RYK: variants seen among roughly 807,000 people sequenced by gnomAD.
RYK encodes the protein receptor like tyrosine kinase, also known as inactive tyrosine-protein kinase RYK.
A neutral mutation model predicts 70.2 loss-of-function variants in RYK; 21 were observed. The ratio of observed to expected loss-of-function variants is 0.30; its 90% CI spans 0.21 to 0.43. The LOEUF (loss-of-function observed/expected upper bound fraction) is 0.43, where lower values mean the gene tolerates loss of function less well. Ranked by LOEUF, RYK falls within the 20% of genes least tolerant of loss-of-function variation. The probability of loss-of-function intolerance (pLI) is 1.00; values close to 1 mark genes in which losing one functional copy is unlikely to be tolerated. For missense variants in RYK, 604 were observed against 753.3 expected (o/e 0.80, Z 2.32); for synonymous variants, 267 against 278.0 (o/e 0.96, Z 0.39).
intron 1 of RYK, among the ~76,000 whole-genome samples, chr3:134,236,712 C>T (rs926483056): frequency 6.6e-6 from 1 of 152,152 alleles, no homozygotes; most frequent in Non-Finnish European, 1.5e-5. Context: ...GTAGTACTGG[C>T]ATGACAGACA....
At chr3:134,201,225 C>T (rs1313037337) in intron 6 of RYK, among the ~76,000 whole-genome samples, 1 of 152,214 alleles carries the variant, frequency 6.6e-6, no homozygotes, top group Non-Finnish European at 1.5e-5. Flanking sequence ...TGAAACAAAT[C>T]ATATACGTAC....
intron 1 of RYK, 100 bp downstream of exon 1, chr3:134,250,323 A>C: frequency 1.8e-6 from 1 of 549,876 alleles, no homozygotes; most frequent in Non-Finnish European, 2.7e-6. Flanking sequence ...CGGGGAGGGT[A>C]CTCGCCCGAG....
chr3:134,157,602 TA>T lies in RYK; in HGVS notation c.*550del, dbSNP rs1399527573. 1 of 152,526 alleles carries T rather than the reference TA, an allele frequency of 6.6e-6. No individual in the cohort carries two copies. Among genetic ancestry groups the T allele is most frequent in the African/African-American group, 2.4e-5 (1 of 41,464 alleles). 9.4% of individuals were successfully genotyped at this position (152,526 alleles called of 1,614,324 possible). A position where few individuals can be genotyped will look rare whatever the true frequency, so the allele number is the denominator to read the frequency against. On this transcript the variant is annotated 3_prime_UTR_variant, in exon 15 of 15. Coordinates refer to ENST00000623711, the MANE Select transcript of RYK (RefSeq NM_002958.4). ...ATTTTTTTTTCCTCTAGCTTTTCTT[TA>T]AATTTTCTTCCTCTAATATTGCCTT...
chr3:134,169,989 T>C (rs563809061), intron 13 of RYK, among the ~76,000 whole-genome samples: 1 of 152,166 alleles, frequency 6.6e-6, no homozygotes, highest in Non-Finnish European at 1.5e-5. Context: ...CTTCAACAAG[T>C]GTGCTTTAAA....
At chr3:134,239,727 G>A (rs73215385) in intron 1 of RYK, among the ~76,000 whole-genome samples, 3 of 152,276 alleles carry the variant, frequency 2.0e-5, no homozygotes, top group African/African-American at 4.8e-5. Context: ...AAAATAGAAA[G>A]TGGAACAACC....
chr3:134,158,838 T>C (rs4854618), intron 14 of RYK, among the ~76,000 whole-genome samples: 113,706 of 152,122 alleles, frequency 0.75, 43,061 homozygotes, highest in East Asian at 0.99. Context: ...TTCCCTGTAT[T>C]AGCTGATACT....
At chr3:134,160,863 A>G (rs1414443641) in intron 13 of RYK, among the ~76,000 whole-genome samples, 2 of 151,976 alleles carry the variant, frequency 1.3e-5, no homozygotes, top group Non-Finnish European at 2.9e-5. Flanking sequence ...TCAAAGAAAG[A>G]AAAAAAAATT....
At chr3:134,248,591 G>A (rs961348710) in intron 1 of RYK, among the ~76,000 whole-genome samples, 9 of 152,020 alleles carry the variant, frequency 5.9e-5, no homozygotes, top group Non-Finnish European at 8.8e-5. Context: ...GGCCGAGGCG[G>A]GCAGATCACG....
chr3:134,184,205 T>G (rs980454447), intron 9 of RYK, among the ~76,000 whole-genome samples: 1 of 152,242 alleles, frequency 6.6e-6, no homozygotes, highest in African/African-American at 2.4e-5. Context: ...ATTAGAATTA[T>G]GCCATTTTAG....
chr3:134,204,199 T>A (rs1445535452), intron 5 of RYK, among the ~76,000 whole-genome samples: 1 of 152,052 alleles, frequency 6.6e-6, no homozygotes, highest in Non-Finnish European at 1.5e-5. Flanking sequence ...TATATTATTT[T>A]AAAAAGAGAG....
chr3:134,246,548 A>C (rs963969327), intron 1 of RYK, among the ~76,000 whole-genome samples: 44 of 152,220 alleles, frequency 2.9e-4, no homozygotes, highest in African/African-American at 1.0e-3. Flanking sequence ...CTTCAAAAAA[A>C]CAGAAAAAAA....
intron 2 of RYK, among the ~76,000 whole-genome samples, chr3:134,212,331 T>A (rs567408007): frequency 6.6e-6 from 1 of 152,198 alleles, no homozygotes; most frequent in Non-Finnish European, 1.5e-5. Flanking sequence ...GGAGAGTTCA[T>A]GAAAGAAGCA....
chr3:134,192,549 T>C (rs2013678680), intron 7 of RYK, among the ~76,000 whole-genome samples: 1 of 152,104 alleles, frequency 6.6e-6, no homozygotes, highest in Non-Finnish European at 1.5e-5. Flanking sequence ...AAAACCATTG[T>C]GAGATTCAAA....
chr3:134,193,448 GGT>G (rs1326402751), intron 7 of RYK, among the ~76,000 whole-genome samples: 2 of 152,338 alleles, frequency 1.3e-5, no homozygotes, highest in African/African-American at 4.8e-5. Flanking sequence ...CTCCCAAAGT[GGT>G]GGGATTACTG....
intron 1 of RYK, among the ~76,000 whole-genome samples, chr3:134,244,380 G>C (rs2015398573): frequency 6.6e-6 from 1 of 152,168 alleles, no homozygotes; most frequent in Non-Finnish European, 1.5e-5. Flanking sequence ...ACCTGTGGCA[G>C]GAGGCTTGCG....
chr3:134,171,746 A>T (rs1010093546), intron 13 of RYK, among the ~76,000 whole-genome samples: 8 of 152,146 alleles, frequency 5.3e-5, no homozygotes, highest in African/African-American at 1.9e-4. Flanking sequence ...ACACACTGGT[A>T]GTCCTAGCTA....
chr3:134,177,577 T>C (rs891600027), intron 11 of RYK, among the ~76,000 whole-genome samples: 4 of 152,218 alleles, frequency 2.6e-5, no homozygotes, highest in Admixed American at 1.3e-4. Context: ...GACTTTGGTA[T>C]AGTATGAACC....
intron 1 of RYK, among the ~76,000 whole-genome samples, chr3:134,243,180 A>G (rs1458626040): frequency 1.3e-5 from 2 of 152,116 alleles, no homozygotes; most frequent in Non-Finnish European, 1.5e-5. Context: ...CACTTCTCCC[A>G]AAAGGAAAGG....
chr3:134,187,113 A>G (rs2013490319), intron 9 of RYK, among the ~76,000 whole-genome samples: 1 of 152,194 alleles, frequency 6.6e-6, no homozygotes, highest in Admixed American at 6.5e-5. Flanking sequence ...ATAAATATTG[A>G]ATGATATAGT....
Sources: gnomAD v4.1 joint callset for allele counts (sites outside exome capture counted in the v4.1 genomes callset) on GRCh38, gnomAD v4.1.1 for gene constraint, MANE v1.5 for transcripts, NCBI Gene and HGNC (gene_info 2026-07-23, HGNC 2026-07-21) for gene names.